Variants in PRPH2 observed in about 807,000 individuals in gnomAD.
The protein encoded by PRPH2 is peripherin 2.
A neutral mutation model predicts 31.3 loss-of-function variants in PRPH2; 17 were observed. The observed-to-expected ratio is 0.54, with a 90% CI of 0.37 to 0.81. The LOEUF is 0.81. Among genes scored for constraint, PRPH2 ranks in the 40% least tolerant of loss-of-function variants. The pLI is 0.00. For missense variants in PRPH2, 430 were observed against 439.7 expected, an observed-to-expected ratio of 0.98 and a Z score of 0.20; for synonymous variants, 165 against 184.4, an observed-to-expected ratio of 0.89 and a Z score of 0.85.
intron 1 of PRPH2, among the ~76,000 whole-genome samples, chr6:42,718,230 G>A (rs964723192): frequency 5.3e-5 from 8 of 151,578 alleles, no homozygotes; most frequent in African/African-American, 1.9e-4. Flanking sequence ...AGAATCACTT[G>A]AGCCTGGGAG....
rs966248532 is a variant in PRPH2, at chr6:42,698,046, G to A, written c.*249C>T. 2.1e-5 allele frequency: 11 copies of A among 536,386 alleles called. No individual in the cohort carries two copies. Among genetic ancestry groups the A allele is most frequent in the African/African-American group, 1.5e-4 (8 of 52,438 alleles). The allele number at this position is 536,386 out of a possible 1,614,324, so 33.2% of individuals were successfully genotyped here. A position where few individuals can be genotyped will look rare whatever the true frequency, so the allele number is the denominator to read the frequency against. On this transcript the variant is annotated 3_prime_UTR_variant, in exon 3 of 3. Transcript: ENST00000230381. ...AGTCACCAGGAGGGCATATCCTAGG[G>A]CAGCGGGCCTGAAGGGAGCTTCACT...
Position 42,721,901 on chromosome 6 carries a change from T to G in PRPH2, c.434A>C (p.Asp145Ala). 1 of 1,614,164 alleles carries G rather than the reference T, an allele frequency of 6.2e-7. No individual in the cohort carries two copies. Among genetic ancestry groups the G allele is most frequent in the Non-Finnish European group, 8.5e-7 (1 of 1,180,020 alleles). ...CTTCATGAAACACCTGCCAGGGGTG[T>G]CTGTGTCCCGGTAGTACTTCATGCC... ...KNGMKYYRDT[D>A]TPGRCFMKKT... The change falls in exon 1 of 3, where the codon GAC becomes GCC. Residue 145 changes from aspartate to alanine, a missense_variant. Coordinates refer to ENST00000230381, the MANE Select transcript of PRPH2 (RefSeq NM_000322.5).
At chr6:42,701,004 G>GAGAT (rs1273809739) in intron 2 of PRPH2, among the ~76,000 whole-genome samples, 3 of 140,014 alleles carry the variant, frequency 2.1e-5, no homozygotes, top group African/African-American at 8.0e-5. Context: ...TTTTTTTTTG[G>GAGAT]AGATAGAGTC....
At chr6:42,713,282 A>T (rs1761710898) in intron 1 of PRPH2, among the ~76,000 whole-genome samples, 1 of 151,878 alleles carries the variant, frequency 6.6e-6, no homozygotes, top group African/African-American at 2.4e-5. Context: ...TGCTCTGAAA[A>T]GACAGAGTCA....
At chr6:42,708,601 T>A (rs138761281) in intron 1 of PRPH2, among the ~76,000 whole-genome samples, 59 of 152,240 alleles carry the variant, frequency 3.9e-4, no homozygotes, top group African/African-American at 1.3e-3. Context: ...TTCCCCAAAG[T>A]GTCCTCCTCA....
At chr6:42,705,606 A>ATATATATATATATATATATATATC in intron 1 of PRPH2, among the ~76,000 whole-genome samples, 1 of 13,874 alleles carries the variant, frequency 7.2e-5, no homozygotes, top group Non-Finnish European at 1.3e-4. Context: ...AAAAATATAT[A>ATATATATATATATATATATATATC]TATATATATA....
intron 2 of PRPH2, among the ~76,000 whole-genome samples, chr6:42,701,467 C>T (rs959186192): frequency 6.6e-6 from 1 of 151,800 alleles, no homozygotes; most frequent in Non-Finnish European, 1.5e-5. Context: ...GCTATGTTGC[C>T]TGGGCTGGTC....
chr6:42,705,277 T>C (rs649472), intron 1 of PRPH2, among the ~76,000 whole-genome samples: 34,293 of 151,838 alleles, frequency 0.23, 4,676 homozygotes, highest in Non-Finnish European at 0.3. Flanking sequence ...GTTTAGCGCT[T>C]ACCATACATT....
chr6:42,715,587 C>T (rs1008647613), intron 1 of PRPH2, among the ~76,000 whole-genome samples: 2 of 152,094 alleles, frequency 1.3e-5, no homozygotes, highest in Non-Finnish European at 2.9e-5. Flanking sequence ...AGGAGAATCT[C>T]TTGAACCCAG....
intron 2 of PRPH2, among the ~76,000 whole-genome samples, chr6:42,699,962 C>CTTTTTTT (rs70990126): frequency 7.3e-6 from 1 of 137,882 alleles, no homozygotes; most frequent in Non-Finnish European, 1.5e-5. Context: ...ATTGTTTTCA[C>CTTTTTTT]TTTTTTTTTT....
Position 42,722,379 on chromosome 6 carries a change from A to G in PRPH2, c.-45T>C, listed in dbSNP as rs769409243. The G allele has an allele frequency of 5.0e-6, 8 of 1,609,036 alleles. No individual in the cohort carries two copies. The highest frequency in any genetic ancestry group is 6.8e-6 in the Non-Finnish European group (8 of 1,179,662). On this transcript the variant is annotated 5_prime_UTR_variant, in exon 1 of 3. Coordinates refer to ENST00000230381, the MANE Select transcript of PRPH2 (RefSeq NM_000322.5). The surrounding 1 kb of genome is among the most constrained non-coding windows in gnomAD (Gnocchi z 4.4). ...GGTTGCTTCCCACAGCACAGCTCCC[A>G]CCCCAAACCTTAACGAGCCCAGAGG...
chr6:42,721,196 C>A (rs529994467), intron 1 of PRPH2, among the ~76,000 whole-genome samples: 2 of 152,304 alleles, frequency 1.3e-5, no homozygotes, highest in South Asian at 4.1e-4. Context: ...AGACCTTGAA[C>A]AACAGAACCA....
intron 1 of PRPH2, among the ~76,000 whole-genome samples, chr6:42,713,063 A>G (rs1359518144): frequency 6.6e-6 from 1 of 151,706 alleles, no homozygotes; most frequent in South Asian, 2.1e-4. Flanking sequence ...TGTCTCTACT[A>G]AAAATATAAA....
intron 1 of PRPH2, among the ~76,000 whole-genome samples, chr6:42,718,031 G>A (rs1159131796): frequency 6.6e-6 from 1 of 152,126 alleles, no homozygotes; most frequent in East Asian, 1.9e-4. Flanking sequence ...CCAGAGGCCA[G>A]GCACGGTGGC....
intron 1 of PRPH2, among the ~76,000 whole-genome samples, chr6:42,716,379 G>GT (rs1267859330): frequency 6.6e-6 from 1 of 150,782 alleles, no homozygotes; most frequent in East Asian, 1.9e-4. Context: ...AAGCAACAGA[G>GT]TAAGACCCTA....
At chr6:42,710,295 A>T (rs1800251409) in intron 1 of PRPH2, among the ~76,000 whole-genome samples, 1 of 152,152 alleles carries the variant, frequency 6.6e-6, no homozygotes, top group Non-Finnish European at 1.5e-5. Flanking sequence ...GGCTTCCTAA[A>T]GACAGGGCTG....
At chr6:42,698,622 C>T in intron 2 of PRPH2, 115 bp from the exon 3 acceptor site, 1 of 1,461,380 alleles carries the variant, frequency 6.8e-7, no homozygotes, top group Non-Finnish European at 9.3e-7. Context: ...AACCTGAGCA[C>T]TGTGGAGTGT....
chr6:42,719,882 A>C (rs1308884269), intron 1 of PRPH2, among the ~76,000 whole-genome samples: 4 of 152,116 alleles, frequency 2.6e-5, no homozygotes, highest in Non-Finnish European at 4.4e-5. Flanking sequence ...AATTGTCTTT[A>C]TACTATCATT....
At chr6:42,715,231 A>AC (rs1351234262) in intron 1 of PRPH2, among the ~76,000 whole-genome samples, 4 of 151,890 alleles carry the variant, frequency 2.6e-5, no homozygotes, top group African/African-American at 7.3e-5. Flanking sequence ...AAACAAACAA[A>AC]AACTAAAAAA....
Sources: allele counts gnomAD v4.1 joint callset (sites outside exome capture counted in the v4.1 genomes callset), GRCh38; gene constraint gnomAD v4.1.1; non-coding constraint Gnocchi (gnomAD v3.1); transcripts MANE v1.5; gene names NCBI Gene and HGNC (gene_info 2026-07-23, HGNC 2026-07-21).